The following ANKRD11 variants were observed in gnomAD, a reference collection of about 807,000 sequenced individuals.
ANKRD11 encodes the protein ankyrin repeat domain-containing protein 11.
ANKRD11 carries 17 observed loss-of-function variants against 195.7 expected under a neutral mutation model. The observed-to-expected ratio is 0.09, with a 90% CI of 0.06 to 0.13. ANKRD11 has a LOEUF of 0.13. Among genes scored for constraint, ANKRD11 ranks in the 10% least tolerant of loss-of-function variants. The pLI is 1.00. For synonymous variants in ANKRD11, 1,953 were observed against 1,528.1 expected (o/e 1.28, Z -6.49); for missense variants, 3,735 against 3,566.1 (o/e 1.05, Z -1.21).
At chr16:89,384,810 A>T (rs1409011108) in intron 2 of ANKRD11, among the ~76,000 whole-genome samples, 1 of 151,240 alleles carries the variant, frequency 6.6e-6, no homozygotes, top group Non-Finnish European at 1.5e-5. Flanking sequence ...CCAACAACAG[A>T]ACCGCTGCAG....
chr16:89,426,292 G>C (rs917081858), intron 1 of ANKRD11, among the ~76,000 whole-genome samples: 2 of 152,144 alleles, frequency 1.3e-5, no homozygotes, highest in African/African-American at 4.8e-5. Context: ...ACTAGAGAAA[G>C]TGACACAAAA....
intron 4 of ANKRD11, chr16:89,298,974 G>C (rs1450450410): frequency 6.6e-6 from 1 of 152,288 alleles, no homozygotes; most frequent in Non-Finnish European, 1.5e-5. Context: ...AACAAGACCT[G>C]GCCACCACCC....
chr16:89,413,498 A>G (rs1156280805), intron 2 of ANKRD11, among the ~76,000 whole-genome samples: 5 of 152,020 alleles, frequency 3.3e-5, no homozygotes, highest in Non-Finnish European at 5.9e-5. Flanking sequence ...GGTGGCGGGC[A>G]CCTATAGTCC....
intron 4 of ANKRD11, among the ~76,000 whole-genome samples, chr16:89,293,006 C>T (rs1269399256): frequency 6.6e-6 from 1 of 152,182 alleles, no homozygotes; most frequent in African/African-American, 2.4e-5. Context: ...GGAGAAACCC[C>T]AGCTCCCCCA....
intron 1 of ANKRD11, among the ~76,000 whole-genome samples, chr16:89,437,469 C>G (rs940332607): frequency 1.3e-5 from 2 of 152,080 alleles, no homozygotes; most frequent in Admixed American, 6.5e-5. Context: ...CTTCTTTCTG[C>G]TCTTCTGTGC....
At chr16:89,457,270 C>T (rs926238276) in intron 1 of ANKRD11, among the ~76,000 whole-genome samples, 5 of 149,538 alleles carry the variant, frequency 3.3e-5, no homozygotes, top group Non-Finnish European at 7.4e-5. Flanking sequence ...AGTCTTACCT[C>T]AATAAAATTA....
Position 89,281,406 on chromosome 16 carries a change from G to C in ANKRD11, c.5136C>G (p.Cys1712Trp). The C allele has an allele frequency of 6.2e-7, 1 of 1,610,130 alleles. No individual in the cohort carries two copies. Among genetic ancestry groups the C allele is most frequent in the Non-Finnish European group, 8.5e-7 (1 of 1,177,072 alleles). The change falls in exon 9 of 13, where the codon TGC becomes TGG. Residue 1712 changes from cysteine to tryptophan, a missense_variant. Cys to Trp is a radical substitution (Grantham distance 215, BLOSUM62 -2). Coordinates refer to ENST00000301030, the MANE Select transcript of ANKRD11 (RefSeq NM_013275.6). The surrounding 1 kb of genome is among the most constrained non-coding windows in gnomAD (Gnocchi z 5.5). The stretch of plus-strand genomic sequence containing the variant: ...TGTGCATCACCTCCTCGTAGCTGGG[G>C]CAGGATAGCACCGACGTAGGGGTGG... ...GVPTPTSVLS[C>W]PSYEEVMHTP...
At chr16:89,313,427 G>A in intron 3 of ANKRD11, 1 of 1,289,124 alleles carries the variant, frequency 7.8e-7, no homozygotes, top group African/African-American at 1.5e-5. Flanking sequence ...TCTGCAGAAG[G>A]GGCCCTTTCT....
At chr16:89,474,169 C>G (rs963344118) in intron 1 of ANKRD11, among the ~76,000 whole-genome samples, 2 of 152,170 alleles carry the variant, frequency 1.3e-5, no homozygotes, top group Non-Finnish European at 1.5e-5. Flanking sequence ...CCCACTCGAG[C>G]CTCTGATAAG....
At chr16:89,288,959 AAC>A (rs1410825416) in intron 6 of ANKRD11, 3 of 534,200 alleles carry the variant, frequency 5.6e-6, no homozygotes, top group African/African-American at 3.8e-5. Context: ...GAAATCAGTG[AAC>A]ACACAGTGTA....
At chr16:89,478,680 C>T (rs536172489) in intron 1 of ANKRD11, among the ~76,000 whole-genome samples, 14 of 152,338 alleles carry the variant, frequency 9.2e-5, no homozygotes, top group African/African-American at 2.9e-4. Context: ...CGCAGCTCTC[C>T]GGCACAGCCA....
intron 3 of ANKRD11, 127 bp from the exon 4 acceptor site, chr16:89,305,471 A>T: frequency 7.4e-7 from 1 of 1,351,262 alleles, no homozygotes; most frequent in Non-Finnish European, 1.0e-6. Context: ...CCTGCACCCC[A>T]GGGCGTGGCT....
At chr16:89,324,517 C>T in intron 2 of ANKRD11, 1 of 456,208 alleles carries the variant, frequency 2.2e-6, no homozygotes, top group Non-Finnish European at 4.4e-6. Flanking sequence ...GAGGAAGCTG[C>T]CAAAGGAGAT....
intron 2 of ANKRD11, among the ~76,000 whole-genome samples, chr16:89,410,935 C>A (rs1174401898): frequency 1.3e-5 from 2 of 152,256 alleles, no homozygotes; most frequent in Admixed American, 1.3e-4. Context: ...CAGAGCTGGG[C>A]AGCTCCTGCT....
At chr16:89,407,933 T>G (rs2041975323) in intron 2 of ANKRD11, among the ~76,000 whole-genome samples, 1 of 151,562 alleles carries the variant, frequency 6.6e-6, no homozygotes, top group African/African-American at 2.4e-5. Context: ...TCCATTAACT[T>G]CAAAAAGCCA....
At chr16:89,319,222 C>T (rs970960278) in intron 2 of ANKRD11, among the ~76,000 whole-genome samples, 1 of 152,224 alleles carries the variant, frequency 6.6e-6, no homozygotes, top group Non-Finnish European at 1.5e-5. Flanking sequence ...GGCGCAGACC[C>T]CACGGCCTCC....
intron 1 of ANKRD11, among the ~76,000 whole-genome samples, chr16:89,454,983 T>G (rs1485183413): frequency 5.9e-4 from 54 of 90,898 alleles, no homozygotes; most frequent in African/African-American, 2.3e-3. Flanking sequence ...CCTGGGTGCT[T>G]CTAGGGTTCC....
Position 89,281,889 on chromosome 16 carries a change from C to G in ANKRD11, c.4653G>C (p.Gly1551=). ...CTTTGGATGGCGCTACCTTATCATT[C>G]CCGTTGCTCATCTTCACTGGGTCGC... ...EKGDPVKMSN[G]NDKVAPSKDP... The change falls in exon 9 of 13, where the codon GGG becomes GGC. Residue 1551 remains glycine (G), a synonymous_variant. Coordinates refer to ENST00000301030, the MANE Select transcript of ANKRD11 (RefSeq NM_013275.6). The surrounding 1 kb of genome is among the most constrained non-coding windows in gnomAD (Gnocchi z 5.5). 1.9e-6 allele frequency: 3 copies of G among 1,613,860 alleles called. No individual in the cohort carries two copies. The highest frequency in any genetic ancestry group is 1.7e-6 in the Non-Finnish European group (2 of 1,180,030).
chr16:89,462,064 CTCTCCCTCTCCCTCTCCCCATGG>C (rs1410356783), intron 1 of ANKRD11, among the ~76,000 whole-genome samples: 12 of 45,080 alleles, frequency 2.7e-4, no homozygotes, highest in African/African-American at 6.5e-4. Flanking sequence ...CCCTCTCCCT[CTCTCCCTCTCCCTCTCCCCATGG>C]TCTCCCTCTC....
Sources: gnomAD v4.1 joint callset for allele counts (sites outside exome capture counted in the v4.1 genomes callset) on GRCh38, gnomAD v4.1.1 for gene constraint, Gnocchi (gnomAD v3.1) non-coding constraint, MANE v1.5 for transcripts, NCBI Gene and HGNC (gene_info 2026-07-23, HGNC 2026-07-21) for gene names.